The following MGAT4C variants were observed in gnomAD, a reference collection of about 807,000 sequenced individuals.
MGAT4C encodes the protein MGAT4 family member C.
MGAT4C carries 19 observed loss-of-function variants against 40.1 expected under a neutral mutation model. The observed-to-expected ratio is 0.47, with a 90% confidence interval of 0.33 to 0.70. The LOEUF (loss-of-function observed/expected upper bound fraction) is 0.70, where lower values mean the gene tolerates loss of function less well. Among genes scored for constraint, MGAT4C ranks in the 30% least tolerant of loss-of-function variants. The pLI, the probability that MGAT4C is intolerant of heterozygous loss-of-function variation, is 0.02. For synonymous variants in MGAT4C, 181 were observed against 187.1 expected, an observed-to-expected ratio of 0.97 and a Z score of 0.27; for missense variants, 491 against 563.2, an observed-to-expected ratio of 0.87 and a Z score of 1.30.
At chr12:86,299,901 G>A (rs960126750) in intron 4 of MGAT4C, among the ~76,000 whole-genome samples, 1 of 152,118 alleles carries the variant, frequency 6.6e-6, no homozygotes, top group African/African-American at 2.4e-5. Context: ...AAGTGGAAGA[G>A]GAGACTGGAA....
At chr12:86,562,676 G>A (rs1030051105) in intron 2 of MGAT4C, among the ~76,000 whole-genome samples, 1 of 152,024 alleles carries the variant, frequency 6.6e-6, no homozygotes, top group Non-Finnish European at 1.5e-5. Flanking sequence ...CAGGCCCCTA[G>A]AGGTGAGGTT....
chr12:86,358,472 T>A (rs187006295), intron 3 of MGAT4C, among the ~76,000 whole-genome samples: 17 of 152,146 alleles, frequency 1.1e-4, no homozygotes, highest in Non-Finnish European at 2.5e-4. Context: ...AATTCACACA[T>A]AACAATATTA....
chr12:86,532,037 A>T (rs988941626), intron 2 of MGAT4C, among the ~76,000 whole-genome samples: 1 of 151,870 alleles, frequency 6.6e-6, no homozygotes, highest in Non-Finnish European at 1.5e-5. Flanking sequence ...TAAAATAAGA[A>T]TATCAGTCAA....
chr12:86,074,258 G>T (rs1396011538), intron 1 of MGAT4C, among the ~76,000 whole-genome samples: 2 of 151,676 alleles, frequency 1.3e-5, no homozygotes, highest in African/African-American at 2.4e-5. Context: ...TCTCAGTTTC[G>T]GGTATGTCTT....
At position 85,965,596 on chromosome 12, in the gene MGAT4C, CAAA is replaced by C. The variant is rs770451333; in HGVS notation, c.*13690_*13692del. Reference sequence around the variant, plus strand: ...TGGGCAAAAGAGTGAGACTCTGTCTCAAAAAAAAAAAAAAAAAAAAAAAAGGAC... The same window carrying C: ...TGGGCAAAAGAGTGAGACTCTGTCTCAAAAAAAAAAAAAAAAAAAAAGGAC... On this transcript the variant is annotated 3_prime_UTR_variant, in exon 5 of 5. Coordinates refer to ENST00000611864, the MANE Select transcript of MGAT4C (RefSeq NM_001351288.2). 3 of 57,128 alleles carry C rather than the reference CAAA, an allele frequency of 5.3e-5. No homozygotes were observed. Among genetic ancestry groups the C allele is most frequent in the Non-Finnish European group, 9.3e-5 (3 of 32,102 alleles). 3.5% of individuals were successfully genotyped at this position (57,128 alleles called of 1,614,324 possible). A position where few individuals can be genotyped will look rare whatever the true frequency, so the allele number is the denominator to read the frequency against.
chr12:86,673,933 C>T (rs1200476224), intron 2 of MGAT4C, among the ~76,000 whole-genome samples: 1 of 151,902 alleles, frequency 6.6e-6, no homozygotes, highest in Non-Finnish European at 1.5e-5. Context: ...ATTTAAATCA[C>T]TCTGTACCTC....
chr12:86,339,840 T>C (rs1954871980), intron 3 of MGAT4C, among the ~76,000 whole-genome samples: 2 of 152,194 alleles, frequency 1.3e-5, no homozygotes, highest in Admixed American at 1.3e-4. Context: ...TTGGCCTTTT[T>C]CCTTTCTCTG....
chr12:86,722,222 T>C (rs1285594589), intron 2 of MGAT4C, among the ~76,000 whole-genome samples: 2 of 152,046 alleles, frequency 1.3e-5, no homozygotes, highest in Non-Finnish European at 1.5e-5. Context: ...GAAGCAAGCA[T>C]GGAGCAAACC....
intron 1 of MGAT4C, among the ~76,000 whole-genome samples, chr12:86,167,911 A>G (rs1886362640): frequency 6.6e-6 from 1 of 152,306 alleles, no homozygotes. Flanking sequence ...CAAAAAATCT[A>G]TGAGCTACCT....
chr12:86,400,587 T>C (rs1956338153), intron 3 of MGAT4C, among the ~76,000 whole-genome samples: 1 of 152,232 alleles, frequency 6.6e-6, no homozygotes, highest in Admixed American at 6.5e-5. Context: ...CATTTGTTCC[T>C]GGTGCCATCT....
chr12:86,606,284 T>C (rs1962044235), intron 2 of MGAT4C, among the ~76,000 whole-genome samples: 1 of 152,154 alleles, frequency 6.6e-6, no homozygotes, highest in South Asian at 2.1e-4. Flanking sequence ...TAGTGAAATA[T>C]AAACTCTGAC....
chr12:86,142,709 CTT>C (rs113640050), intron 1 of MGAT4C, among the ~76,000 whole-genome samples: 1 of 140,138 alleles, frequency 7.1e-6, no homozygotes. Context: ...GTGGTCCATT[CTT>C]TTTTTTTTTT....
intron 1 of MGAT4C, among the ~76,000 whole-genome samples, chr12:86,202,295 C>G (rs1950082286): frequency 6.6e-6 from 1 of 151,992 alleles, no homozygotes; most frequent in African/African-American, 2.4e-5. Flanking sequence ...CATTTATTCT[C>G]ATTTTACTCT....
At chr12:86,539,776 G>T (rs1195678069) in intron 2 of MGAT4C, among the ~76,000 whole-genome samples, 2 of 152,180 alleles carry the variant, frequency 1.3e-5, no homozygotes, top group African/African-American at 4.8e-5. Flanking sequence ...GGCCAGTTAT[G>T]ATGAGCATTT....
chr12:86,563,996 G>A (rs934476734), intron 2 of MGAT4C, among the ~76,000 whole-genome samples: 2 of 152,150 alleles, frequency 1.3e-5, no homozygotes, highest in African/African-American at 4.8e-5. Context: ...GAATCCAGTA[G>A]AGCTGCCTCT....
intron 1 of MGAT4C, among the ~76,000 whole-genome samples, chr12:86,755,927 T>C (rs557893523): frequency 4.6e-5 from 7 of 152,160 alleles, no homozygotes; most frequent in African/African-American, 1.7e-4. Context: ...GAGTTACAGA[T>C]GTGAGTCACC....
At chr12:86,048,395 T>A (rs1379418298) in intron 2 of MGAT4C, among the ~76,000 whole-genome samples, 2 of 152,016 alleles carry the variant, frequency 1.3e-5, no homozygotes, top group Non-Finnish European at 2.9e-5. Flanking sequence ...ATGTGATCAT[T>A]CATATACCAA....
chr12:86,710,260 T>C (rs1950533028), intron 2 of MGAT4C, among the ~76,000 whole-genome samples: 1 of 152,140 alleles, frequency 6.6e-6, no homozygotes, highest in Non-Finnish European at 1.5e-5. Context: ...ATGTAGTAAA[T>C]ACCCTTGAAC....
intron 2 of MGAT4C, among the ~76,000 whole-genome samples, chr12:86,512,922 T>A (rs11103975): frequency 0.011 from 1,731 of 150,564 alleles, 19 homozygotes; most frequent in Non-Finnish European, 0.018. Flanking sequence ...GTAGATCTCA[T>A]ATTAAATGTT....
Sources: gnomAD v4.1 joint callset for allele counts (sites outside exome capture counted in the v4.1 genomes callset) on GRCh38, gnomAD v4.1.1 for gene constraint, MANE v1.5 for transcripts, NCBI Gene and HGNC (gene_info 2026-07-23, HGNC 2026-07-21) for gene names.